The following C3orf49 variants were observed in gnomAD, a reference collection of about 807,000 sequenced individuals.
C3orf49 encodes the protein putative uncharacterized protein C3orf49.
C3orf49 carries 27 observed loss-of-function variants against 13.3 expected under a neutral mutation model. That is an observed-to-expected ratio of 2.02 (90% CI 1.49 to 2.79). The LOEUF is 2.79. C3orf49 is among the 30% of genes most tolerant of loss of function. C3orf49 has a pLI of 0.00. For synonymous variants in C3orf49, 87 were observed against 47.6 expected, an observed-to-expected ratio of 1.83 and a Z score of -3.40; for missense variants, 242 against 134.2, an observed-to-expected ratio of 1.80 and a Z score of -3.97.
chr3:63,811,737 C>G, the C3orf49 span, among the ~76,000 whole-genome samples: 1 of 151,472 alleles, frequency 6.6e-6, no homozygotes, highest in African/African-American at 2.4e-5. Flanking sequence ...TAAAAATAAT[C>G]ATAGGCTCAT....
chr3:63,780,400 G>A, the C3orf49 span, among the ~76,000 whole-genome samples: 9 of 152,146 alleles, frequency 5.9e-5, no homozygotes, highest in Admixed American at 5.2e-4. Flanking sequence ...TTGGACATTT[G>A]GGTTGGTTCC....
the C3orf49 span, chr3:63,783,045 A>G: frequency 6.6e-6 from 1 of 152,254 alleles, no homozygotes; most frequent in Non-Finnish European, 1.5e-5. Flanking sequence ...ATCCTAATTG[A>G]AAGATGAATG....
At chr3:63,833,851 A>G (rs770002426) in intron 5 of C3orf49, 5 of 283,938 alleles carry the variant, frequency 1.8e-5, no homozygotes, top group Non-Finnish European at 3.2e-5. Flanking sequence ...TACCTAGAAT[A>G]TTAATGAGCA....
At chr3:63,825,506 C>T (rs900629898) in intron 2 of C3orf49, among the ~76,000 whole-genome samples, 1 of 152,116 alleles carries the variant, frequency 6.6e-6, no homozygotes, top group Non-Finnish European at 1.5e-5. Context: ...ATTGAAGAAT[C>T]CAGCAGAAAA....
chr3:63,839,601 G>A, intron 5 of C3orf49: 2 of 1,445,250 alleles, frequency 1.4e-6, no homozygotes, highest in Admixed American at 1.7e-5. Context: ...CCTTAATATA[G>A]GGCCTAAAAT....
intron 5 of C3orf49, among the ~76,000 whole-genome samples, chr3:63,843,065 G>A (rs1701801867): frequency 6.6e-6 from 1 of 151,948 alleles, no homozygotes; most frequent in Non-Finnish European, 1.5e-5. Flanking sequence ...GGAATTACAG[G>A]CATGAGCCTC....
intron 1 of C3orf49, among the ~76,000 whole-genome samples, chr3:63,819,954 T>C (rs1348621965): frequency 1.3e-5 from 2 of 152,184 alleles, no homozygotes; most frequent in Non-Finnish European, 2.9e-5. Context: ...TCGAAATAGG[T>C]CCACGATCAG....
chr3:63,790,099 G>A, the C3orf49 span, among the ~76,000 whole-genome samples: 4 of 152,098 alleles, frequency 2.6e-5, no homozygotes, highest in South Asian at 2.1e-4. Flanking sequence ...TTTCGCTGTA[G>A]TATCTTTGCT....
chr3:63,810,881 C>G, the C3orf49 span, among the ~76,000 whole-genome samples: 18 of 152,222 alleles, frequency 1.2e-4, no homozygotes, highest in Non-Finnish European at 2.5e-4. Flanking sequence ...GAGTCTCACT[C>G]TCTCACCCAG....
At chr3:63,847,277 T>C (rs1276982259) in intron 6 of C3orf49, among the ~76,000 whole-genome samples, 1 of 152,218 alleles carries the variant, frequency 6.6e-6, no homozygotes, top group South Asian at 2.1e-4. Context: ...CCAAATTTCC[T>C]TGTCAATTTC....
chr3:63,817,091 C>A (rs1262117745), upstream of C3orf49, among the ~76,000 whole-genome samples: 1 of 151,982 alleles, frequency 6.6e-6, no homozygotes, highest in Non-Finnish European at 1.5e-5. Context: ...TCCACATTTT[C>A]AAAGACACTG....
chr3:63,837,356 T>C (rs190039472), intron 5 of C3orf49, among the ~76,000 whole-genome samples: 1 of 152,154 alleles, frequency 6.6e-6, no homozygotes, highest in Admixed American at 6.5e-5. Flanking sequence ...TTTTTACTTT[T>C]CTTCAATTTA....
the C3orf49 span, chr3:63,782,628 A>G: frequency 2.6e-5 from 4 of 152,254 alleles, no homozygotes; most frequent in Non-Finnish European, 5.9e-5. Flanking sequence ...TACAACAATC[A>G]GTTAAAACAA....
At chr3:63,848,330 T>C (rs1701947042) in intron 6 of C3orf49, 34 bp from the exon 7 acceptor site, 2 of 152,146 alleles carry the variant, frequency 1.3e-5, no homozygotes, top group African/African-American at 4.8e-5. Flanking sequence ...CAACCCCTTA[T>C]TTCAACCCAG....
Position 63,831,772 on chromosome 3 carries a change from T to C in C3orf49, c.777T>C (p.Asp259=), listed in dbSNP as rs1701535017. 1 of 703,038 alleles carries C rather than the reference T, an allele frequency of 1.4e-6. No individual in the cohort carries two copies. The highest frequency in any genetic ancestry group is 2.6e-6 in the Non-Finnish European group (1 of 385,024). The allele number at this position is 703,038 out of a possible 1,614,324, so 43.5% of individuals were successfully genotyped here. A position where few individuals can be genotyped will look rare whatever the true frequency, so the allele number is the denominator to read the frequency against. Residue 259 remains aspartate (D), a synonymous_variant, in exon 5 of 7, where the codon GAT becomes GAC. Coordinates refer to ENST00000295896, the MANE Select transcript of C3orf49 (RefSeq NM_001355236.2). ...TTCAACAGTGTGAGTTTCTGGGGGA[T>C]GAAATTCTTCAGTCTTCTAAACAGT... is the stretch of plus-strand genomic sequence containing the variant. The part of the protein sequence containing the change: ...AELQQCEFLG[D]EILQSSKQFQ...
chr3:63,798,612 T>C, the C3orf49 span, among the ~76,000 whole-genome samples: 1 of 152,108 alleles, frequency 6.6e-6, no homozygotes, highest in Non-Finnish European at 1.5e-5. Context: ...CTTCCTAATA[T>C]TAGAACTTGT....
chr3:63,824,686 A>G (rs1008965559), intron 2 of C3orf49, among the ~76,000 whole-genome samples: 1 of 152,096 alleles, frequency 6.6e-6, no homozygotes, highest in Non-Finnish European at 1.5e-5. Context: ...AAAATACAAA[A>G]AAGATTAGTC....
the C3orf49 span, among the ~76,000 whole-genome samples, chr3:63,793,672 A>G: frequency 6.6e-6 from 1 of 152,082 alleles, no homozygotes; most frequent in Non-Finnish European, 1.5e-5. Context: ...CTATTCCTCT[A>G]TAGAGTTCCT....
the C3orf49 span, among the ~76,000 whole-genome samples, chr3:63,802,571 T>G: frequency 1.3e-5 from 2 of 152,236 alleles, no homozygotes; most frequent in Non-Finnish European, 2.9e-5. Flanking sequence ...CACATCTTTC[T>G]TAGTTTTTTT....
Sources: allele counts gnomAD v4.1 joint callset (sites outside exome capture counted in the v4.1 genomes callset), GRCh38; gene constraint gnomAD v4.1.1; transcripts MANE v1.5; gene names NCBI Gene and HGNC (gene_info 2026-07-23, HGNC 2026-07-21).